Variants in HFM1 observed in about 807,000 individuals in gnomAD.
HFM1 encodes helicase for meiosis 1, also known as probable ATP-dependent DNA helicase HFM1.
In HFM1, 169 loss-of-function variants were observed where a neutral mutation model predicts 192.1. That is an observed-to-expected ratio of 0.88 (90% CI 0.78 to 1.00). The LOEUF is 1.00. Among genes scored for constraint, HFM1 ranks in the 50% least tolerant of loss-of-function variants. The probability of loss-of-function intolerance (pLI) is 0.00; values close to 1 mark genes in which losing one functional copy is unlikely to be tolerated. For missense variants in HFM1, 1,661 were observed against 1,668.0 expected, an observed-to-expected ratio of 1.00 and a Z score of 0.07; for synonymous variants, 525 against 537.8, an observed-to-expected ratio of 0.98 and a Z score of 0.33.
At chr1:91,372,602 G>T (rs922630347) in intron 13 of HFM1, among the ~76,000 whole-genome samples, 10 of 152,142 alleles carry the variant, frequency 6.6e-5, no homozygotes, top group Non-Finnish European at 1.0e-4. Context: ...GGGGTGAATG[G>T]GGAGGGATAG....
chr1:91,403,843 T>C (rs1316565063), intron 1 of HFM1, among the ~76,000 whole-genome samples: 1 of 152,216 alleles, frequency 6.6e-6, no homozygotes, highest in Non-Finnish European at 1.5e-5. Flanking sequence ...TTAATGACAA[T>C]TCACCATTTT....
At position 91,315,888 on chromosome 1, in the gene HFM1, CT is replaced by C; in HGVS notation, c.3066del (p.Ala1023HisfsTer9). On this transcript the variant is annotated frameshift_variant, in exon 28 of 39. Transcript: ENST00000370425. LOFTEE classifies it high-confidence loss of function. ...RNFEQLQTKR[T>X]ASDSHYVTLI... ...AAGGTAACATAGTGAGAATCCGATG[CT>C]GTTCTTTTAGTTTGTAGCTGTTCAA... The C allele has an allele frequency of 6.2e-7, 1 of 1,609,764 alleles. No individual in the cohort carries two copies. The highest frequency in any genetic ancestry group is 8.5e-7 in the Non-Finnish European group (1 of 1,176,498).
intron 13 of HFM1, among the ~76,000 whole-genome samples, chr1:91,371,002 GA>G (rs1478122041): frequency 6.6e-6 from 1 of 151,730 alleles, no homozygotes; most frequent in African/African-American, 2.4e-5. Flanking sequence ...TTGCTTCAAA[GA>G]GAATAAAATA....
intron 4 of HFM1, among the ~76,000 whole-genome samples, chr1:91,390,298 T>C (rs560610777): frequency 6.6e-6 from 1 of 151,978 alleles, no homozygotes; most frequent in African/African-American, 2.4e-5. Context: ...TAGCCGGGTG[T>C]GGTGGCGCAC....
chr1:91,274,850 A>G (rs371893338), intron 32 of HFM1, 41 bp from the exon 33 acceptor site: 3 of 1,027,718 alleles, frequency 2.9e-6, no homozygotes, highest in African/African-American at 3.2e-5. Context: ...TCAGTTTCAC[A>G]TCAATAACTT....
At position 91,319,394 on chromosome 1, in the gene HFM1, G is replaced by A. The variant is rs747039628; in HGVS notation, c.2583-4C>T. The A allele has an allele frequency of 1.3e-6, 2 of 1,593,322 alleles. No individual in the cohort carries two copies. Among genetic ancestry groups the A allele is most frequent in the Non-Finnish European group, 1.7e-6 (2 of 1,162,238 alleles). ...TCCTAGTTGAGCCTGAATAAGACTGGGGGAAAGAAAAAAAATTGTTACTCC... is the reference window on the plus strand; with the variant it reads ...TCCTAGTTGAGCCTGAATAAGACTGAGGGAAAGAAAAAAAATTGTTACTCC... On this transcript the variant is annotated splice_region_variant and splice_polypyrimidine_tract_variant and intron_variant, in intron 23 of 38. Transcript: ENST00000370425.
At chr1:91,398,427 C>T (rs1043234381) in intron 2 of HFM1, among the ~76,000 whole-genome samples, 2 of 152,158 alleles carry the variant, frequency 1.3e-5, no homozygotes, top group Non-Finnish European at 2.9e-5. Context: ...TTATCATAAT[C>T]AAGGCTCTTA....
chr1:91,313,817 G>C lies in HFM1; in HGVS notation c.3244+140C>G, dbSNP rs1650825631. 14 of 476,280 alleles carry C rather than the reference G, an allele frequency of 2.9e-5. No individual in the cohort carries two copies. In the South Asian group the frequency reaches 7.3e-4, roughly 25 times the overall value. 29.5% of individuals were successfully genotyped at this position (476,280 alleles called of 1,614,324 possible). ...TATCTAAATACATGAAACTTCCTTTGAAGTTTATTCATATTATCTAAATAT... is the reference window on the plus strand; with the variant it reads ...TATCTAAATACATGAAACTTCCTTTCAAGTTTATTCATATTATCTAAATAT... On this transcript the variant is annotated intron_variant, in intron 29 of 38. Transcript: ENST00000370425.
At chr1:91,342,358 A>G (rs1156942307) in intron 20 of HFM1, among the ~76,000 whole-genome samples, 1 of 152,166 alleles carries the variant, frequency 6.6e-6, no homozygotes, top group African/African-American at 2.4e-5. Context: ...CAACATGTAC[A>G]GGAAGAATTC....
intron 16 of HFM1, 85 bp downstream of exon 16, chr1:91,352,421 A>T: frequency 9.7e-7 from 1 of 1,026,636 alleles, no homozygotes; most frequent in South Asian, 1.9e-5. Flanking sequence ...GCCTGATACA[A>T]TTATGACATG....
intron 19 of HFM1, among the ~76,000 whole-genome samples, chr1:91,345,403 A>G (rs1656002807): frequency 6.6e-6 from 1 of 152,204 alleles, no homozygotes; most frequent in African/African-American, 2.4e-5. Flanking sequence ...AGATGTAGTT[A>G]GAGAAATAGG....
At chr1:91,343,173 T>C (rs1054696909) in intron 20 of HFM1, among the ~76,000 whole-genome samples, 7 of 139,218 alleles carry the variant, frequency 5.0e-5, no homozygotes, top group East Asian at 2.1e-4. Context: ...GGAGCTTGCA[T>C]TGAGCTGAGA....
chr1:91,368,741 C>T (rs140499542), intron 13 of HFM1, among the ~76,000 whole-genome samples: 15,049 of 152,140 alleles, frequency 0.099, 782 homozygotes, highest in East Asian at 0.16. Flanking sequence ...CAAATTCACA[C>T]ATAACAATAT....
At chr1:91,384,299 A>G (rs1661911616) in intron 6 of HFM1, among the ~76,000 whole-genome samples, 1 of 152,186 alleles carries the variant, frequency 6.6e-6, no homozygotes, top group Non-Finnish European at 1.5e-5. Flanking sequence ...ATGGGGAAAC[A>G]GTCACATAAA....
At chr1:91,392,263 T>C (rs1203531849) in intron 4 of HFM1, among the ~76,000 whole-genome samples, 31 of 152,200 alleles carry the variant, frequency 2.0e-4, no homozygotes, top group African/African-American at 7.2e-4. Flanking sequence ...ACCCAAAGGA[T>C]TATAAATCAT....
intron 30 of HFM1, among the ~76,000 whole-genome samples, chr1:91,296,545 A>C (rs193269255): frequency 2.8e-4 from 42 of 152,076 alleles, no homozygotes; most frequent in African/African-American, 9.4e-4. Flanking sequence ...TTATTTCAGA[A>C]AAAAAAATGA....
intron 30 of HFM1, among the ~76,000 whole-genome samples, chr1:91,280,889 A>G (rs909940143): frequency 6.6e-6 from 1 of 152,204 alleles, no homozygotes; most frequent in African/African-American, 2.4e-5. Context: ...TTACCAGCCA[A>G]ATCTACAGAA....
In HFM1 at chr1:91,351,532, ACT is replaced by A; in HGVS notation, c.2072+15_2072+16del. The stretch of plus-strand genomic sequence containing the variant: ...ATATTAGCATTAGTATCTTTTTGGA[ACT>A]TTTTTTTATACTACCTGCTTTCTAC... On this transcript the variant is annotated intron_variant, in intron 17 of 38. Coordinates refer to ENST00000370425, the MANE Select transcript of HFM1 (RefSeq NM_001017975.6). The A allele has an allele frequency of 7.4e-7, 1 of 1,343,016 alleles. No individual in the cohort carries two copies. Among genetic ancestry groups the A allele is most frequent in the Non-Finnish European group, 1.0e-6 (1 of 956,916 alleles). 83.2% of individuals were successfully genotyped at this position (1,343,016 alleles called of 1,614,324 possible).
chr1:91,285,151 C>A (rs1238848103), intron 30 of HFM1, among the ~76,000 whole-genome samples: 4 of 152,210 alleles, frequency 2.6e-5, no homozygotes, highest in East Asian at 1.9e-4. Flanking sequence ...CCACGTGGAA[C>A]TGTGAGCCCA....
Sources: gnomAD v4.1 joint callset for allele counts (sites outside exome capture counted in the v4.1 genomes callset) on GRCh38, gnomAD v4.1.1 for gene constraint, MANE v1.5 for transcripts, NCBI Gene and HGNC (gene_info 2026-07-23, HGNC 2026-07-21) for gene names.